ADCY1: variants seen among roughly 807,000 people sequenced by gnomAD.
ADCY1 encodes the protein adenylate cyclase type 1.
A neutral mutation model predicts 105.4 loss-of-function variants in ADCY1; 28 were observed. The ratio of observed to expected loss-of-function variants is 0.27; its 90% CI spans 0.20 to 0.36. ADCY1 has a LOEUF of 0.36. ADCY1 is among the 10% of genes least tolerant of loss of function. ADCY1 has a pLI of 1.00. For missense variants in ADCY1, 977 were observed against 1,434.2 expected, an observed-to-expected ratio of 0.68 and a Z score of 5.15; for synonymous variants, 655 against 623.8, an observed-to-expected ratio of 1.05 and a Z score of -0.75.
chr7:45,680,352 C>A, intron 11 of ADCY1: 1 of 170,376 alleles, frequency 5.9e-6, no homozygotes. Flanking sequence ...GCTCTGTGGG[C>A]TTTTGCAGGA....
At chr7:45,624,944 C>T (rs1157072905) in intron 4 of ADCY1, among the ~76,000 whole-genome samples, 1 of 152,182 alleles carries the variant, frequency 6.6e-6, no homozygotes, top group Admixed American at 6.5e-5. Context: ...GGGACAGGAC[C>T]CACGTTGGGT....
At chr7:45,704,929 TC>T (rs1785083354) in intron 17 of ADCY1, among the ~76,000 whole-genome samples, 1 of 69,096 alleles carries the variant, frequency 1.4e-5, no homozygotes, top group South Asian at 5.3e-4. Context: ...GCCCAGTCCC[TC>T]CCCCACCAGC....
intron 5 of ADCY1, among the ~76,000 whole-genome samples, chr7:45,655,159 C>T (rs1401111607): frequency 6.6e-6 from 1 of 152,200 alleles, no homozygotes; most frequent in East Asian, 1.9e-4. Context: ...TGAATGTATG[C>T]TTACCTGTCC....
rs1195859413 is a variant in ADCY1 at position 45,647,308 on chromosome 7, C to T, written c.1021-1362C>T. Among the ~76,000 whole-genome samples, 1 of 152,236 alleles carries T rather than the reference C, an allele frequency of 6.6e-6. No homozygotes were observed. Among genetic ancestry groups the T allele is most frequent in the African/African-American group, 2.4e-5 (1 of 41,460 alleles). On this transcript the variant is annotated intron_variant, in intron 4 of 19. Coordinates refer to ENST00000297323, the MANE Select transcript of ADCY1 (RefSeq NM_021116.4). This position sits in a 1 kb window ranked among gnomAD's most constrained non-coding sequence, Gnocchi z 4.6. ...TGTCCCTGTCCTGACTCACTCTGTG[C>T]TGGCCATGGTTCCTTTTCTCTAAGA...
chr7:45,695,913 G>T (rs1317519491), intron 14 of ADCY1, among the ~76,000 whole-genome samples: 1 of 152,218 alleles, frequency 6.6e-6, no homozygotes, highest in Non-Finnish European at 1.5e-5. Flanking sequence ...GCTAATGCAG[G>T]CACCTCTGTG....
At chr7:45,695,527 T>C (rs1784863727) in intron 14 of ADCY1, among the ~76,000 whole-genome samples, 1 of 152,226 alleles carries the variant, frequency 6.6e-6, no homozygotes, top group Non-Finnish European at 1.5e-5. Context: ...GGCAGAATCC[T>C]GTGAACACAG....
intron 4 of ADCY1, among the ~76,000 whole-genome samples, chr7:45,643,205 A>G (rs551123894): frequency 6.6e-6 from 1 of 150,922 alleles, no homozygotes; most frequent in East Asian, 1.9e-4. Flanking sequence ...TCAGTGGGAA[A>G]TGGTTTTTCA....
At chr7:45,618,397 A>G (rs2139898) in intron 3 of ADCY1, among the ~76,000 whole-genome samples, 61,144 of 152,088 alleles carry the variant, frequency 0.4, 12,894 homozygotes, top group East Asian at 0.65. Flanking sequence ...AAACTGAAAA[A>G]TTTCTGCACA....
chr7:45,668,402 G>T (rs150628764), intron 8 of ADCY1, among the ~76,000 whole-genome samples: 2 of 152,204 alleles, frequency 1.3e-5, no homozygotes, highest in Non-Finnish European at 2.9e-5. Context: ...AGTTTTTGTC[G>T]TTGGTTCTGT....
chr7:45,584,159 G>A (rs969285234), intron 1 of ADCY1, among the ~76,000 whole-genome samples: 4 of 151,926 alleles, frequency 2.6e-5, no homozygotes, highest in African/African-American at 9.7e-5. Context: ...TTCCCAGGCT[G>A]GTCTTGAATT....
rs1784670995 is a variant in ADCY1, at chr7:45,686,227, GCTC to G, written c.2327+16_2327+18del. ...TACACCAGGACTGGGTAAGTGTGTG[GCTC>G]CTCAAGAAAAAGGCCTAAGCAGCGG... On this transcript the variant is annotated intron_variant, in intron 13 of 19. Coordinates refer to ENST00000297323, the MANE Select transcript of ADCY1 (RefSeq NM_021116.4). This position sits in a 1 kb window ranked among gnomAD's most constrained non-coding sequence, Gnocchi z 4.3. The G allele has an allele frequency of 6.2e-7, 1 of 1,610,174 alleles. No homozygotes were observed. The highest frequency in any genetic ancestry group is 1.3e-5 in the African/African-American group (1 of 74,862).
At position 45,723,104 on chromosome 7, in the gene ADCY1, T is replaced by A. The variant is rs557633712; in HGVS notation, c.*9109T>A. On this transcript the variant is annotated 3_prime_UTR_variant, in exon 20 of 20. Coordinates refer to ENST00000297323, the MANE Select transcript of ADCY1 (RefSeq NM_021116.4). ...ATTTAACAAAAATAAAGGGAAAAAATTGCTTGACTAAACTCTGTGGCCATT... is the reference window on the plus strand; with the variant it reads ...ATTTAACAAAAATAAAGGGAAAAAAATGCTTGACTAAACTCTGTGGCCATT... 2 of 152,658 alleles carry A rather than the reference T, an allele frequency of 1.3e-5. No individual in the cohort carries two copies. Among genetic ancestry groups the A allele is most frequent in the South Asian group, 2.1e-4 (1 of 4,828 alleles). The allele number at this position is 152,658 out of a possible 1,614,324, so 9.5% of individuals were successfully genotyped here.
chr7:45,632,539 A>AATGTATAGTTTTCAGTGTAT, intron 4 of ADCY1, among the ~76,000 whole-genome samples: 1 of 122,556 alleles, frequency 8.2e-6, no homozygotes. Context: ...ATTTCTCAGA[A>AATGTATAGTTTTCAGTGTAT]ATGTATAGTT....
At chr7:45,651,242 A>G (rs1159880140) in intron 5 of ADCY1, among the ~76,000 whole-genome samples, 5 of 151,944 alleles carry the variant, frequency 3.3e-5, no homozygotes, top group Non-Finnish European at 7.4e-5. Context: ...TCCCAGCCAA[A>G]CAGACCCTTC....
chr7:45,688,699 T>C (rs1002980119), intron 14 of ADCY1, among the ~76,000 whole-genome samples: 3 of 152,184 alleles, frequency 2.0e-5, no homozygotes, highest in Non-Finnish European at 4.4e-5. Flanking sequence ...CACAAATGCT[T>C]GGTGAAAAAC....
In ADCY1 at chr7:45,681,937, C is replaced by CA. The variant is rs1287022477; in HGVS notation, c.1983+2145dup. Among the ~76,000 whole-genome samples, 8 of 152,294 alleles carry CA rather than the reference C, an allele frequency of 5.3e-5. No individual in the cohort carries two copies. In the East Asian group the frequency reaches 1.4e-3, roughly 26 times the overall value. ...GTGTCCAGAGCCAGGGTGCCCAGGG[C>CA]AGTGTGGCAGTTCCATGGCCCCTTG... On this transcript the variant is annotated intron_variant, in intron 11 of 19. Transcript: ENST00000297323.
rs116172140 is a variant in ADCY1 at position 45,600,207 on chromosome 7, T to A, written c.789+7299T>A. On this transcript the variant is annotated intron_variant, in intron 2 of 19. Transcript: ENST00000297323. Reference sequence around the variant, plus strand: ...GAGAGGGCAGATCCGCTGCAAGGAGTCCAGCATCTGCAGCCTGGCTCTCAG... The same window carrying A: ...GAGAGGGCAGATCCGCTGCAAGGAGACCAGCATCTGCAGCCTGGCTCTCAG... Among the ~76,000 whole-genome samples the A allele has an allele frequency of 8.0e-3, 1,224 of 152,196 alleles. 19 individuals are homozygous for A. The highest frequency in any genetic ancestry group is 0.041 in the East Asian group (214 of 5,170).
chr7:45,660,320 G>C, intron 7 of ADCY1, 137 bp downstream of exon 7: 12 of 1,236,964 alleles, frequency 9.7e-6, no homozygotes, highest in Non-Finnish European at 1.4e-5. Flanking sequence ...GGGGAGAGTT[G>C]TCCCCACTGA....
intron 8 of ADCY1, among the ~76,000 whole-genome samples, chr7:45,664,059 C>T (rs1015302556): frequency 6.6e-6 from 1 of 152,090 alleles, no homozygotes; most frequent in South Asian, 2.1e-4. Context: ...TAGCACGATT[C>T]TTGCTGAAGA....
Sources: gnomAD v4.1 joint callset for allele counts (sites outside exome capture counted in the v4.1 genomes callset) on GRCh38, gnomAD v4.1.1 for gene constraint, Gnocchi (gnomAD v3.1) non-coding constraint, MANE v1.5 for transcripts, NCBI Gene and HGNC (gene_info 2026-07-23, HGNC 2026-07-21) for gene names.